The following GUK1 variants were observed in gnomAD, a reference collection of about 807,000 sequenced individuals.
GUK1 encodes the protein guanylate kinase.
In GUK1, 18 loss-of-function variants were observed where a neutral mutation model predicts 25.2. The observed-to-expected ratio is 0.71, with a 90% confidence interval of 0.49 to 1.06. GUK1 has a LOEUF of 1.06. Ranked by LOEUF, GUK1 falls within the 50% of genes least tolerant of loss-of-function variation. GUK1 has a pLI of 0.00. For synonymous variants in GUK1, 105 were observed against 117.6 expected (o/e 0.89, Z 0.69); for missense variants, 261 against 276.7 (o/e 0.94, Z 0.40).
chr1:228,140,227 C>A, upstream of GUK1: 1 of 1,235,114 alleles, frequency 8.1e-7, no homozygotes, highest in Non-Finnish European at 1.1e-6. Context: ...CTCATGACGT[C>A]AGTCTCGCGC....
upstream of GUK1, chr1:228,140,180 C>T: frequency 1.2e-6 from 1 of 800,192 alleles, no homozygotes; most frequent in Non-Finnish European, 2.0e-6. Flanking sequence ...CCCTAAGGGG[C>T]GGGGAAGAAC....
At chr1:228,146,800 C>T in intron 4 of GUK1, 42 bp from the exon 4 acceptor site, 1 of 1,359,922 alleles carries the variant, frequency 7.4e-7, no homozygotes, top group Non-Finnish European at 1.1e-6. Flanking sequence ...CACCCTGGTG[C>T]AGGTCCAGTC....
intron 2 of GUK1, among the ~76,000 whole-genome samples, chr1:228,143,875 G>A (rs924089936): frequency 6.6e-6 from 1 of 152,198 alleles, no homozygotes; most frequent in Non-Finnish European, 1.5e-5. Flanking sequence ...GCCCAGAAGA[G>A]GCAGTAAGGA....
At chr1:228,146,741 G>A in intron 4 of GUK1, 101 bp from the exon 4 acceptor site, 1 of 787,582 alleles carries the variant, frequency 1.3e-6, no homozygotes, top group Non-Finnish European at 2.3e-6. Flanking sequence ...AGTCGTGGGT[G>A]TGGGAGGGGC....
chr1:228,143,153 C>T (rs942303817), intron 2 of GUK1, among the ~76,000 whole-genome samples: 5 of 152,122 alleles, frequency 3.3e-5, no homozygotes, highest in South Asian at 2.1e-4. Context: ...TTTATAGTCA[C>T]GTAGCATCTA....
intron 1 of GUK1, chr1:228,141,013 C>A: frequency 3.8e-6 from 1 of 261,376 alleles, no homozygotes; most frequent in Non-Finnish European, 6.0e-6. Context: ...TGATTTTGAC[C>A]CTGCGTGTGG....
rs1558115298 is a variant in GUK1, at chr1:228,148,233, G to C, written c.476-138G>C. 4 of 734,426 alleles carry C rather than the reference G, an allele frequency of 5.4e-6. No homozygotes were observed. The South Asian group carries it at 5.9e-5, about 11-fold the overall frequency. 45.5% of individuals were successfully genotyped at this position (734,426 alleles called of 1,614,324 possible). On this transcript the variant is annotated intron_variant, in intron 7 of 8. Coordinates refer to ENST00000312726, the MANE Select transcript of GUK1 (RefSeq NM_000858.7). ...GGGCGGCCCTTCCCTACCCTGCACA[G>C]GCCCGGCTGGGCTGGAAAGCTGTCC...
chr1:228,147,442 C>T lies in GUK1; in HGVS notation c.288C>T (p.Arg96=). 6.2e-7 allele frequency: 1 copy of T among 1,612,776 alleles called. No homozygotes were observed. Among genetic ancestry groups the T allele is most frequent in the South Asian group, 1.1e-5 (1 of 91,072 alleles). Residue 96 remains arginine, a synonymous_variant, in exon 6 of 9, where the codon CGC becomes CGT. Coordinates refer to ENST00000312726, the MANE Select transcript of GUK1 (RefSeq NM_000858.7). The stretch of plus-strand genomic sequence containing the variant: ...TGCAGGCCGTGCAGGCCATGAACCG[C>T]ATCTGTGTGCTGGACGTGGACCTGC...
intron 2 of GUK1, chr1:228,141,316 G>A: frequency 1.0e-6 from 1 of 962,704 alleles, no homozygotes; most frequent in Non-Finnish European, 1.2e-6. Context: ...TCCCCCCCGG[G>A]GAAAGAAAGT....
At chr1:228,141,361 T>A (rs548175781) in intron 2 of GUK1, 1 of 685,310 alleles carries the variant, frequency 1.5e-6, no homozygotes, top group East Asian at 1.3e-4. Flanking sequence ...CCTGGTGTGG[T>A]CCCATTTAAA....
At chr1:228,141,021 TG>T in intron 1 of GUK1, 1 of 303,854 alleles carries the variant, frequency 3.3e-6, no homozygotes, top group Non-Finnish European at 4.8e-6. Context: ...ACCCTGCGTG[TG>T]GTGGGCCTCG....
Position 228,148,108 on chromosome 1 carries a change from G to A in GUK1, c.476-263G>A, listed in dbSNP as rs1571899763. ...TGTTCTGCTGTGTGTGTAGAGGATA[G>A]TGTAGCCCCTAACCAGAGTCCTGAT... On this transcript the variant is annotated intron_variant, in intron 7 of 8. Transcript: ENST00000312726. The A allele has an allele frequency of 5.0e-6, 3 of 602,976 alleles. No individual in the cohort carries two copies. The East Asian group carries it at 8.3e-5, about 17-fold the overall frequency. 37.4% of individuals were successfully genotyped at this position (602,976 alleles called of 1,614,324 possible).
At chr1:228,145,906 G>A in intron 3 of GUK1, 120 bp from the exon 3 acceptor site, 1 of 811,128 alleles carries the variant, frequency 1.2e-6, no homozygotes. Flanking sequence ...CCTTCCCAGT[G>A]GTGTGCTTCA....
intron 7 of GUK1, among the ~76,000 whole-genome samples, chr1:228,147,907 G>T (rs566665795): frequency 6.6e-6 from 1 of 151,910 alleles, no homozygotes; most frequent in Admixed American, 6.6e-5. Context: ...CTCATTGAGG[G>T]TCCTCAGATT....
At chr1:228,145,349 A>C in intron 2 of GUK1, 162 bp from the exon 2 acceptor site, 2 of 671,038 alleles carry the variant, frequency 3.0e-6, no homozygotes, top group Admixed American at 3.2e-5. Context: ...AACGTGGCAG[A>C]GCTCAGGGGG....
At position 228,146,687 on chromosome 1, in the gene GUK1, G is replaced by A. The variant is rs147085266; in HGVS notation, c.155-155G>A. 636 of 641,276 alleles carry A rather than the reference G, an allele frequency of 9.9e-4. 4 individuals carry two copies. In the African/African-American group the frequency reaches 0.011, roughly 11 times the overall value. 39.7% of individuals were successfully genotyped at this position (641,276 alleles called of 1,614,324 possible). A position where few individuals can be genotyped will look rare whatever the true frequency, so the allele number is the denominator to read the frequency against. On this transcript the variant is annotated intron_variant, in intron 4 of 8. Transcript: ENST00000312726. Reference sequence around the variant, plus strand: ...GGCTCAGGCACTTGGCAGCACTTGAGGGGTCCTCAGATGTCTCCTGCCCAG... The same window carrying A: ...GGCTCAGGCACTTGGCAGCACTTGAAGGGTCCTCAGATGTCTCCTGCCCAG...
chr1:228,148,123 A>G (rs2034501377), intron 7 of GUK1: 1 of 610,342 alleles, frequency 1.6e-6, no homozygotes, highest in Non-Finnish European at 3.0e-6. Flanking sequence ...GCCCCTAACC[A>G]GAGTCCTGAT....
chr1:228,140,553 C>A (rs1291535413), intron 1 of GUK1, among the ~76,000 whole-genome samples, 190 bp downstream of exon 1: 1 of 152,232 alleles, frequency 6.6e-6, no homozygotes, highest in Non-Finnish European at 1.5e-5. Flanking sequence ...GCAGCGGAGC[C>A]CGGGTCCCGG....
At chr1:228,142,147 T>C (rs1417350253) in intron 2 of GUK1, among the ~76,000 whole-genome samples, 1 of 576 alleles carries the variant, frequency 1.7e-3, no homozygotes, top group Non-Finnish European at 0.025. Flanking sequence ...TCTCCAGCGG[T>C]GGTGGTGTGG....
Sources: gnomAD v4.1 joint callset for allele counts (sites outside exome capture counted in the v4.1 genomes callset) on GRCh38, gnomAD v4.1.1 for gene constraint, MANE v1.5 for transcripts, NCBI Gene and HGNC (gene_info 2026-07-23, HGNC 2026-07-21) for gene names.